TMEM260: variants seen among roughly 807,000 people sequenced by gnomAD.
TMEM260 encodes the protein transmembrane protein 260.
TMEM260 carries 82 observed loss-of-function variants against 88.9 expected under a neutral mutation model. The observed-to-expected ratio is 0.92, with a 90% CI of 0.77 to 1.11. The LOEUF is 1.11. Among genes scored for constraint, TMEM260 ranks in the 50% least tolerant of loss-of-function variants. TMEM260 has a pLI of 0.00. For missense variants in TMEM260, 902 were observed against 853.4 expected (o/e 1.06, Z -0.71); for synonymous variants, 314 against 309.3 (o/e 1.02, Z -0.16).
intron 4 of TMEM260, among the ~76,000 whole-genome samples, chr14:56,604,377 A>G (rs992528874): frequency 6.6e-6 from 1 of 152,196 alleles, no homozygotes; most frequent in Non-Finnish European, 1.5e-5. Flanking sequence ...AATTGCCAAA[A>G]AAGGTCAAAT....
At chr14:56,593,504 A>G (rs1485664843) in intron 3 of TMEM260, among the ~76,000 whole-genome samples, 2 of 151,866 alleles carry the variant, frequency 1.3e-5, no homozygotes, top group African/African-American at 2.4e-5. Flanking sequence ...TTTTTTATAT[A>G]AAGTATAAAA....
In TMEM260 at chr14:56,633,026, G is replaced by A; in HGVS notation, c.1579G>A (p.Glu527Lys). Residue 527 changes from glutamate to lysine, a missense_variant, in exon 13 of 16, where the codon GAA becomes AAA. Transcript: ENST00000261556. ...AACATTTGTTTGCATAGGAATTCAT[G>A]AAGGCGACCCAACCTGGAAAAAGAA... ...KETFVCIGIHEGDPTWKKNYS... is the reference protein window; with the variant it reads ...KETFVCIGIHKGDPTWKKNYS... The A allele has an allele frequency of 6.2e-7, 1 of 1,613,892 alleles. No individual in the cohort carries two copies. The highest frequency in any genetic ancestry group is 8.5e-7 in the Non-Finnish European group (1 of 1,179,944).
intron 1 of TMEM260, among the ~76,000 whole-genome samples, chr14:56,583,894 A>G (rs73275398): frequency 1.5e-3 from 228 of 151,320 alleles, no homozygotes; most frequent in African/African-American, 5.3e-3. Context: ...TTGAAACCAT[A>G]GAAAGCTTGA....
intron 3 of TMEM260, among the ~76,000 whole-genome samples, chr14:56,596,794 A>AAAAAAATATAT (rs59623466): frequency 1.3e-3 from 178 of 136,286 alleles, no homozygotes; most frequent in African/African-American, 4.2e-3. Flanking sequence ...TAAAAAAAAA[A>AAAAAAATATAT]ATATATATAT....
intron 2 of TMEM260, 154 bp from the exon 3 acceptor site, chr14:56,585,605 CAA>C (rs1885442676): frequency 5.9e-6 from 4 of 679,534 alleles, no homozygotes; most frequent in Admixed American, 3.2e-5. Flanking sequence ...TGTATTGCCT[CAA>C]GAGGATTACA....
downstream of TMEM260, among the ~76,000 whole-genome samples, chr14:56,654,680 G>A (rs1019831710): frequency 5.9e-5 from 9 of 151,868 alleles, no homozygotes; most frequent in Non-Finnish European, 1.3e-4. Flanking sequence ...CAGGTGTTGT[G>A]GCACAAATCT....
rs142825835 is a variant in TMEM260 at position 56,636,501 on chromosome 14, C to T, written c.1779-7C>T. On this transcript the variant is annotated splice_polypyrimidine_tract_variant and splice_region_variant and intron_variant, in intron 14 of 15. Transcript: ENST00000261556. ...ATTTTAATGAAGGTTCCTATCCCCA[C>T]CCCCAGGATGAAAACACCGTTCTTC... The T allele has an allele frequency of 4.3e-5, 70 of 1,613,234 alleles. No individual in the cohort carries two copies. The highest frequency in any genetic ancestry group is 5.7e-5 in the Non-Finnish European group (67 of 1,179,346).
intron 3 of TMEM260, among the ~76,000 whole-genome samples, chr14:56,589,920 A>G (rs1156418843): frequency 6.6e-6 from 1 of 152,200 alleles, no homozygotes; most frequent in African/African-American, 2.4e-5. Context: ...TCTCTTGCTT[A>G]AGGGACATTT....
chr14:56,596,427 C>T (rs60878222), intron 3 of TMEM260, among the ~76,000 whole-genome samples: 14,156 of 108,336 alleles, frequency 0.13, 817 homozygotes, highest in Admixed American at 0.19. Flanking sequence ...TATATATATA[C>T]ATACACACAC....
At chr14:56,582,334 A>G (rs1218761926) in intron 1 of TMEM260, among the ~76,000 whole-genome samples, 3 of 152,142 alleles carry the variant, frequency 2.0e-5, no homozygotes, top group African/African-American at 7.2e-5. Flanking sequence ...ATTTATGGGC[A>G]GGGTGCTTGT....
intron 12 of TMEM260, among the ~76,000 whole-genome samples, chr14:56,626,747 A>C (rs937288343): frequency 1.3e-5 from 2 of 152,212 alleles, no homozygotes; most frequent in Non-Finnish European, 2.9e-5. Flanking sequence ...TTGCATGTCC[A>C]AAATGTTCCA....
rs746018532 is a variant in TMEM260 at position 56,618,730 on chromosome 14, T to C, written c.1193T>C (p.Leu398Pro). ...TGTCTGGAATGGCTTTCTGCAACTC[T>C]TTTTGTAGTTTACCAAATATATTCT... is the stretch of plus-strand genomic sequence containing the variant. Reference protein sequence around the residue: ...LQCLEWLSATLFVVYQIYSNY... With the variant: ...LQCLEWLSATPFVVYQIYSNY... The change falls in exon 10 of 16, where the codon CTT becomes CCT. Residue 398 changes from leucine to proline, a missense_variant. By Grantham distance (98) the Leu-to-Pro change is moderately conservative. Coordinates refer to ENST00000261556, the MANE Select transcript of TMEM260 (RefSeq NM_017799.4). The C allele has an allele frequency of 1.3e-5, 21 of 1,614,066 alleles. No homozygotes were observed. Among genetic ancestry groups the C allele is most frequent in the East Asian group, 4.5e-5 (2 of 44,892 alleles).
intron 14 of TMEM260, among the ~76,000 whole-genome samples, 187 bp from the exon 15 acceptor site, chr14:56,636,321 C>G (rs569980558): frequency 1.8e-4 from 28 of 152,184 alleles, no homozygotes; most frequent in African/African-American, 6.7e-4. Context: ...AATGCAGCAT[C>G]TTGGTGGGTG....
Position 56,612,264 on chromosome 14 carries a change from C to T in TMEM260, c.836C>T (p.Ser279Phe), listed in dbSNP as rs774587147. 1 of 1,613,492 alleles carries T rather than the reference C, an allele frequency of 6.2e-7. No homozygotes were observed. The highest frequency in any genetic ancestry group is 1.1e-5 in the South Asian group (1 of 91,052). The change falls in exon 7 of 16, where the codon TCC becomes TTC. Residue 279 changes from serine (S) to phenylalanine (F), a missense_variant. Transcript: ENST00000261556. ...GTTTAGGCCAAATCTGAAATAGGATCCAGTATGTCTGAAATACTGCTGTGA... is the reference window on the plus strand; with the variant it reads ...GTTTAGGCCAAATCTGAAATAGGATTCAGTATGTCTGAAATACTGCTGTGA... The part of the protein sequence containing the change: ...TFSLAKSEIG[S>F]SMSEILLSQV...
chr14:56,651,281 A>G (rs1890201285), downstream of TMEM260, among the ~76,000 whole-genome samples: 2 of 152,078 alleles, frequency 1.3e-5, no homozygotes, highest in Admixed American at 6.6e-5. Flanking sequence ...TTACTCAGCT[A>G]TAGAAAATTA....
At position 56,620,240 on chromosome 14, in the gene TMEM260, C is replaced by T. The variant is rs150279245; in HGVS notation, c.1227-1291C>T. Among the ~76,000 whole-genome samples, 217 of 152,188 alleles carry T rather than the reference C, an allele frequency of 1.4e-3. 3 individuals carry two copies. Among genetic ancestry groups the T allele is most frequent in the African/African-American group, 3.9e-3 (164 of 41,526 alleles). On this transcript the variant is annotated intron_variant, in intron 10 of 15. Transcript: ENST00000261556. ...ATAATCTGTGCAACAAACCCTGTGA[C>T]GTGAATTTACCTTTATAACAACAAA...
chr14:56,643,156 C>T (rs891653179), intron 15 of TMEM260, among the ~76,000 whole-genome samples: 1 of 152,226 alleles, frequency 6.6e-6, no homozygotes, highest in African/African-American at 2.4e-5. Flanking sequence ...CTCCCTAACT[C>T]ATTTTATGAG....
intron 15 of TMEM260, among the ~76,000 whole-genome samples, chr14:56,643,565 C>A (rs1343394862): frequency 6.6e-6 from 1 of 152,092 alleles, no homozygotes; most frequent in Non-Finnish European, 1.5e-5. Context: ...ACTGAATGGG[C>A]AAAAACTGGA....
chr14:56,617,178 T>C lies in TMEM260; in HGVS notation c.942-5T>C. On this transcript the variant is annotated splice_region_variant and splice_polypyrimidine_tract_variant and intron_variant, in intron 8 of 15. Transcript: ENST00000261556. ...TTTTAGACATATTTTTATTATTTTTTGTAGGGACAGACAGAATCCATCATT... is the reference window on the plus strand; with the variant it reads ...TTTTAGACATATTTTTATTATTTTTCGTAGGGACAGACAGAATCCATCATT... 6.5e-7 allele frequency: 1 copy of C among 1,527,176 alleles called. No homozygotes were observed. Among genetic ancestry groups the C allele is most frequent in the Non-Finnish European group, 8.9e-7 (1 of 1,126,170 alleles). 94.6% of individuals were successfully genotyped at this position (1,527,176 alleles called of 1,614,324 possible).
Sources: allele counts gnomAD v4.1 joint callset (sites outside exome capture counted in the v4.1 genomes callset), GRCh38; gene constraint gnomAD v4.1.1; transcripts MANE v1.5; gene names NCBI Gene and HGNC (gene_info 2026-07-23, HGNC 2026-07-21).